AFG2A: variants seen among roughly 807,000 people sequenced by gnomAD.
AFG2A encodes ATPase family gene 2 protein homolog A.
At chr4:122,984,734 T>C in the AFG2A span, among the ~76,000 whole-genome samples, 1 of 152,236 alleles carries the variant, frequency 6.6e-6, no homozygotes, top group African/African-American at 2.4e-5. Context: ...TTAATTCTGT[T>C]TATGTGGTGT....
chr4:123,269,227 T>C, the AFG2A span, among the ~76,000 whole-genome samples: 1 of 152,226 alleles, frequency 6.6e-6, no homozygotes, highest in South Asian at 2.1e-4. Context: ...AAGCCTATTA[T>C]ATTGGATCTA....
At chr4:123,102,295 G>GAAAAAAA in the AFG2A span, 23 of 133,486 alleles carry the variant, frequency 1.7e-4, no homozygotes, top group Admixed American at 2.3e-4. Flanking sequence ...GTGATTTTCA[G>GAAAAAAA]AAAAAAAAAA....
the AFG2A span, among the ~76,000 whole-genome samples, chr4:123,024,698 A>G: frequency 6.6e-6 from 1 of 152,208 alleles, no homozygotes; most frequent in African/African-American, 2.4e-5. Context: ...GACCTCTGGA[A>G]CATCATCTTC....
At chr4:123,247,992 G>A in the AFG2A span, among the ~76,000 whole-genome samples, 3 of 151,968 alleles carry the variant, frequency 2.0e-5, no homozygotes, top group Non-Finnish European at 4.4e-5. Context: ...TTTGCGTGTT[G>A]ATCTTTCTCT....
the AFG2A span, among the ~76,000 whole-genome samples, chr4:123,073,858 G>T: frequency 6.6e-6 from 1 of 152,218 alleles, no homozygotes; most frequent in African/African-American, 2.4e-5. Context: ...CTGTTTCTAG[G>T]ATAATTCATA....
the AFG2A span, chr4:122,927,630 A>G: frequency 4.2e-5 from 68 of 1,602,852 alleles, no homozygotes; most frequent in Non-Finnish European, 5.4e-5. Context: ...CTTTTCCTTC[A>G]TAGTAGATGA....
At chr4:123,255,427 G>C in the AFG2A span, among the ~76,000 whole-genome samples, 1 of 150,940 alleles carries the variant, frequency 6.6e-6, no homozygotes, top group Non-Finnish European at 1.5e-5. Flanking sequence ...TGAGGCAGGA[G>C]AATCTTGCAG....
the AFG2A span, among the ~76,000 whole-genome samples, chr4:123,163,380 T>G: frequency 1.3e-5 from 2 of 152,144 alleles, no homozygotes; most frequent in African/African-American, 2.4e-5. Context: ...AGGCAGAGGT[T>G]GCAGTGAGCT....
At chr4:122,944,631 C>G in the AFG2A span, among the ~76,000 whole-genome samples, 2 of 152,222 alleles carry the variant, frequency 1.3e-5, no homozygotes, top group African/African-American at 4.8e-5. Context: ...CTTCCTCTCT[C>G]AACTTGTCAA....
the AFG2A span, among the ~76,000 whole-genome samples, chr4:123,040,561 C>T: frequency 1.3e-5 from 2 of 152,200 alleles, no homozygotes; most frequent in Non-Finnish European, 2.9e-5. Context: ...GGAAAACTGC[C>T]TTCAAGTTTA....
chr4:123,113,227 T>A, the AFG2A span, among the ~76,000 whole-genome samples: 21 of 152,224 alleles, frequency 1.4e-4, no homozygotes, highest in African/African-American at 4.8e-4. Flanking sequence ...AAAGCTTTGC[T>A]TGGGATCTTT....
the AFG2A span, among the ~76,000 whole-genome samples, chr4:122,999,264 C>A: frequency 3.9e-5 from 6 of 151,954 alleles, no homozygotes; most frequent in African/African-American, 1.5e-4. Flanking sequence ...AGGTTGCCTG[C>A]TCACTCTGCT....
chr4:123,311,516 A>T, the AFG2A span, among the ~76,000 whole-genome samples: 1 of 151,424 alleles, frequency 6.6e-6, no homozygotes, highest in Middle Eastern at 3.2e-3. Flanking sequence ...AGTCCCAGCT[A>T]CTCAGGAGGC....
At chr4:123,185,646 A>G in the AFG2A span, among the ~76,000 whole-genome samples, 1 of 152,302 alleles carries the variant, frequency 6.6e-6, no homozygotes, top group African/African-American at 2.4e-5. Flanking sequence ...AGTGTTACCT[A>G]GGAAGTGGGG....
At chr4:123,079,745 CTTTTTTTTTTTT>C in the AFG2A span, among the ~76,000 whole-genome samples, 6 of 72,660 alleles carry the variant, frequency 8.3e-5, no homozygotes, top group South Asian at 1.1e-3. Flanking sequence ...TCTTTTCCTT[CTTTTTTTTTTTT>C]TTTTTTTTTG....
the AFG2A span, among the ~76,000 whole-genome samples, chr4:123,161,085 A>G: frequency 6.6e-6 from 1 of 152,178 alleles, no homozygotes; most frequent in South Asian, 2.1e-4. Flanking sequence ...CTTGCATTGT[A>G]TTGTACACTC....
the AFG2A span, among the ~76,000 whole-genome samples, chr4:122,952,066 C>T: frequency 6.6e-6 from 1 of 152,162 alleles, no homozygotes; most frequent in Non-Finnish European, 1.5e-5. Flanking sequence ...TTTAGCCAAC[C>T]TGCTTTGGGG....
chr4:122,940,874 A>G, the AFG2A span, among the ~76,000 whole-genome samples: 54 of 151,126 alleles, frequency 3.6e-4, no homozygotes, highest in African/African-American at 1.2e-3. Context: ...TCCCAGCACC[A>G]TTTATTAAAT....
At chr4:122,992,766 C>G in the AFG2A span, among the ~76,000 whole-genome samples, 2 of 146,356 alleles carry the variant, frequency 1.4e-5, no homozygotes. Context: ...GTGTTAGCCA[C>G]TTACTTAAAT....
Sources: allele counts gnomAD v4.1 joint callset (sites outside exome capture counted in the v4.1 genomes callset), GRCh38; gene constraint gnomAD v4.1.1; transcripts MANE v1.5; gene names NCBI Gene and HGNC (gene_info 2026-07-23, HGNC 2026-07-21).